Variants in GALNTL6 observed in about 807,000 individuals in gnomAD.
The protein encoded by GALNTL6 is polypeptide N-acetylgalactosaminyltransferase-like 6.
GALNTL6 carries 46 observed loss-of-function variants against 73.7 expected under a neutral mutation model. The observed-to-expected ratio is 0.62, with a 90% CI of 0.49 to 0.80. The LOEUF (loss-of-function observed/expected upper bound fraction) is 0.80, where lower values mean the gene tolerates loss of function less well. GALNTL6 is among the 30% of genes least tolerant of loss of function. The pLI is 0.00. For missense variants in GALNTL6, 604 were observed against 755.0 expected (o/e 0.80, Z 2.34); for synonymous variants, 259 against 263.7 (o/e 0.98, Z 0.17).
chr4:172,987,509 C>G (rs1472055791), intron 10 of GALNTL6, among the ~76,000 whole-genome samples: 1 of 152,180 alleles, frequency 6.6e-6, no homozygotes, highest in African/African-American at 2.4e-5. Context: ...TACAGCCAAA[C>G]CATATCAGTC....
At chr4:172,338,359 A>G (rs1741420632) in intron 4 of GALNTL6, among the ~76,000 whole-genome samples, 1 of 152,044 alleles carries the variant, frequency 6.6e-6, no homozygotes, top group African/African-American at 2.4e-5. Context: ...CCAAAATTCT[A>G]ATGCTGGCTC....
chr4:172,967,682 A>G (rs1285155554), intron 10 of GALNTL6, among the ~76,000 whole-genome samples: 3 of 152,204 alleles, frequency 2.0e-5, no homozygotes, highest in African/African-American at 7.2e-5. Context: ...ACTTCATTAT[A>G]ATGTAGTGCT....
intron 5 of GALNTL6, among the ~76,000 whole-genome samples, chr4:172,635,754 T>G (rs533132560): frequency 5.3e-4 from 81 of 152,306 alleles, no homozygotes; most frequent in African/African-American, 1.8e-3. Flanking sequence ...TTTTTCTTGA[T>G]GTAGACAATA....
chr4:172,515,387 G>A (rs960183237), intron 5 of GALNTL6, among the ~76,000 whole-genome samples: 3 of 152,194 alleles, frequency 2.0e-5, no homozygotes, highest in Admixed American at 6.5e-5. Context: ...GCAGAGCTGC[G>A]CTCCTCTCCC....
chr4:171,988,223 C>T (rs1246424053), intron 2 of GALNTL6, among the ~76,000 whole-genome samples: 2 of 152,156 alleles, frequency 1.3e-5, no homozygotes, highest in Admixed American at 6.5e-5. Flanking sequence ...CCGCACTAAG[C>T]ATGCCTAGGA....
chr4:172,811,239 G>A (rs527774523), intron 6 of GALNTL6, among the ~76,000 whole-genome samples: 1 of 152,312 alleles, frequency 6.6e-6, no homozygotes, highest in African/African-American at 2.4e-5. Context: ...CCTGGAAATT[G>A]AAATGTAGGC....
At chr4:172,528,952 C>CATATATATATATATATATATATAT (rs765904258) in intron 5 of GALNTL6, among the ~76,000 whole-genome samples, 1,657 of 23,200 alleles carry the variant, frequency 0.071, 305 homozygotes, top group Middle Eastern at 0.083. Flanking sequence ...TTCCCAAAGG[C>CATATATATATATATATATATATAT]ATATATATAT....
At chr4:172,153,042 G>C (rs1429772721) in intron 2 of GALNTL6, among the ~76,000 whole-genome samples, 1 of 152,150 alleles carries the variant, frequency 6.6e-6, no homozygotes, top group African/African-American at 2.4e-5. Flanking sequence ...CACAGAAATG[G>C]ATTCCTAAAG....
chr4:172,122,022 TGA>T (rs1430797927), intron 2 of GALNTL6, among the ~76,000 whole-genome samples: 1 of 151,652 alleles, frequency 6.6e-6, no homozygotes, highest in African/African-American at 2.4e-5. Context: ...CACCTTTCCC[TGA>T]GGGATTTGTC....
intron 5 of GALNTL6, among the ~76,000 whole-genome samples, chr4:172,423,670 C>T (rs571908774): frequency 1.3e-5 from 2 of 152,194 alleles, no homozygotes; most frequent in South Asian, 4.1e-4. Context: ...TATTTACTTA[C>T]TTATAATTTT....
intron 12 of GALNTL6, among the ~76,000 whole-genome samples, chr4:173,029,812 T>C (rs1272996113): frequency 2.0e-5 from 3 of 152,246 alleles, no homozygotes; most frequent in Non-Finnish European, 4.4e-5. Flanking sequence ...TATCCCAACC[T>C]GGATTTAAAC....
At chr4:172,702,653 T>C (rs1164052020) in intron 5 of GALNTL6, among the ~76,000 whole-genome samples, 1 of 152,062 alleles carries the variant, frequency 6.6e-6, no homozygotes, top group Non-Finnish European at 1.5e-5. Context: ...CTAGTCCCTT[T>C]TTTGAGTCCC....
intron 5 of GALNTL6, among the ~76,000 whole-genome samples, chr4:172,782,262 G>A (rs982662276): frequency 4.6e-5 from 7 of 152,208 alleles, no homozygotes; most frequent in African/African-American, 9.6e-5. Context: ...ATTTATAGGC[G>A]TATGTTAAAT....
chr4:172,438,289 TG>T (rs1410576057), intron 5 of GALNTL6, among the ~76,000 whole-genome samples: 1 of 152,130 alleles, frequency 6.6e-6, no homozygotes, highest in African/African-American at 2.4e-5. Flanking sequence ...CATATGGTCA[TG>T]CTTTCAGTAT....
intron 9 of GALNTL6, among the ~76,000 whole-genome samples, chr4:172,945,099 A>T (rs1413921987): frequency 6.6e-6 from 1 of 151,996 alleles, no homozygotes. Context: ...TATAAGAATG[A>T]ATACATGCAG....
chr4:172,268,558 G>C (rs1273466033), intron 3 of GALNTL6, among the ~76,000 whole-genome samples: 1 of 152,190 alleles, frequency 6.6e-6, no homozygotes, highest in Non-Finnish European at 1.5e-5. Flanking sequence ...TTCCCAACTA[G>C]GGCTGAGAGC....
intron 3 of GALNTL6, among the ~76,000 whole-genome samples, chr4:172,231,803 T>TA (rs1579282421): frequency 1.3e-5 from 2 of 152,122 alleles, no homozygotes; most frequent in Non-Finnish European, 2.9e-5. Flanking sequence ...CCTTTGCTTG[T>TA]ACAAATGAGT....
intron 2 of GALNTL6, among the ~76,000 whole-genome samples, chr4:172,146,062 A>G (rs1000648944): frequency 1.3e-5 from 2 of 152,210 alleles, no homozygotes; most frequent in African/African-American, 2.4e-5. Context: ...GAATATTTCT[A>G]TCCCTAAAAC....
At chr4:172,636,290 C>T (rs1232839123) in intron 5 of GALNTL6, among the ~76,000 whole-genome samples, 1 of 152,166 alleles carries the variant, frequency 6.6e-6, no homozygotes. Context: ...CCACTTTATA[C>T]TGTAAATAAC....
Sources: allele counts gnomAD v4.1 joint callset (sites outside exome capture counted in the v4.1 genomes callset), GRCh38; gene constraint gnomAD v4.1.1; transcripts MANE v1.5; gene names NCBI Gene and HGNC (gene_info 2026-07-23, HGNC 2026-07-21).